Variants in SNX24 observed in about 807,000 individuals in gnomAD.
SNX24 encodes sorting nexin-24.
Under a neutral mutation model 28.7 loss-of-function variants are expected in SNX24, and 22 were observed. The ratio of observed to expected loss-of-function variants is 0.77; its 90% CI spans 0.55 to 1.10. SNX24 has a LOEUF of 1.10. Ranked by LOEUF, SNX24 falls within the 50% of genes least tolerant of loss-of-function variation. The probability of loss-of-function intolerance (pLI) is 0.00; values close to 1 mark genes in which losing one functional copy is unlikely to be tolerated. For synonymous variants in SNX24, 69 were observed against 71.5 expected, an observed-to-expected ratio of 0.96 and a Z score of 0.18; for missense variants, 221 against 201.1, an observed-to-expected ratio of 1.10 and a Z score of -0.60.
At chr5:122,998,486 G>A (rs1762128218) in intron 3 of SNX24, 2 of 152,166 alleles carry the variant, frequency 1.3e-5, no homozygotes, top group South Asian at 4.1e-4. Context: ...AGTGAATAAA[G>A]TATAACACCC....
At chr5:122,872,393 G>T (rs1287934091) in intron 1 of SNX24, among the ~76,000 whole-genome samples, 1 of 151,908 alleles carries the variant, frequency 6.6e-6, no homozygotes, top group East Asian at 1.9e-4. Flanking sequence ...GGAAAACCTT[G>T]TATTGTTTTC....
chr5:123,009,784 C>T (rs1762531617), downstream of SNX24, among the ~76,000 whole-genome samples: 1 of 152,216 alleles, frequency 6.6e-6, no homozygotes, highest in Non-Finnish European at 1.5e-5. Context: ...GAGGAGTGCA[C>T]TCCTGGTAGG....
intron 1 of SNX24, among the ~76,000 whole-genome samples, chr5:122,858,077 T>C (rs953636451): frequency 1.3e-5 from 2 of 152,178 alleles, no homozygotes; most frequent in Admixed American, 6.6e-5. Context: ...CTTTATTTAG[T>C]CTTCCTTTGA....
intron 5 of SNX24, among the ~76,000 whole-genome samples, chr5:123,020,135 G>A (rs144754877): frequency 1.4e-4 from 21 of 152,304 alleles, no homozygotes; most frequent in African/African-American, 5.1e-4. Context: ...GGGGAGAGTG[G>A]TGTCTATGTG....
chr5:123,002,871 A>C lies in SNX24; in HGVS notation c.442+867A>C, dbSNP rs375655943. Among the ~76,000 whole-genome samples the C allele has an allele frequency of 1.1e-4, 16 of 152,252 alleles. 2 individuals carry two copies. Among genetic ancestry groups the C allele is most frequent in the East Asian group, 3.9e-4 (2 of 5,180 alleles). ...CTCATTTGCATACATTATCTCATTT[A>C]ATTTCCTTAACAACCTTGTGAACTA... On this transcript the variant is annotated intron_variant, in intron 6 of 6. Transcript: ENST00000261369.
chr5:122,973,493 GA>G (rs1761040941), intron 3 of SNX24, among the ~76,000 whole-genome samples: 1 of 152,206 alleles, frequency 6.6e-6, no homozygotes, highest in Non-Finnish European at 1.5e-5. Flanking sequence ...TGATCATAGG[GA>G]ACTCCCTGTG....
At chr5:122,926,849 G>A (rs1265075284) in intron 1 of SNX24, among the ~76,000 whole-genome samples, 2 of 152,216 alleles carry the variant, frequency 1.3e-5, no homozygotes, top group Non-Finnish European at 1.5e-5. Context: ...CGGCAGAGGT[G>A]AGTGCAGCAG....
rs555729608 is a variant in SNX24, at chr5:122,902,756, T to C, written c.61-33978T>C. ...ATGCTTAAGTTATTGCTATCAGGTG[T>C]ATTTATCATGCATATGGTTAAAAAG... is the stretch of plus-strand genomic sequence containing the variant. On this transcript the variant is annotated intron_variant, in intron 1 of 6. Transcript: ENST00000261369. Among the ~76,000 whole-genome samples the C allele has an allele frequency of 1.1e-4, 16 of 152,272 alleles. No individual in the cohort carries two copies. In the South Asian group the frequency reaches 3.3e-3, roughly 32 times the overall value.
intron 1 of SNX24, among the ~76,000 whole-genome samples, chr5:122,923,791 T>C (rs1758552071): frequency 6.6e-6 from 1 of 152,190 alleles, no homozygotes; most frequent in Non-Finnish European, 1.5e-5. Context: ...GCCTGACTCA[T>C]TAGGAATGAA....
chr5:122,990,064 A>T (rs1283289195), intron 3 of SNX24, among the ~76,000 whole-genome samples: 1 of 152,106 alleles, frequency 6.6e-6, no homozygotes, highest in Non-Finnish European at 1.5e-5. Flanking sequence ...CCCTCCTCCT[A>T]ACTTTCTTTA....
At chr5:122,872,654 G>A (rs900846375) in intron 1 of SNX24, among the ~76,000 whole-genome samples, 1 of 152,130 alleles carries the variant, frequency 6.6e-6, no homozygotes, top group Non-Finnish European at 1.5e-5. Flanking sequence ...TAAATGCTAT[G>A]TAAAGGGTTG....
chr5:123,002,165 T>C (rs1166069315), intron 6 of SNX24, 161 bp downstream of exon 6: 4 of 637,442 alleles, frequency 6.3e-6, no homozygotes, highest in Non-Finnish European at 2.8e-6. Context: ...AGAATTTTAA[T>C]TGGGGCTGGC....
At chr5:123,026,082 G>A (rs1762848787) in intron 5 of SNX24, 1 of 877,160 alleles carries the variant, frequency 1.1e-6, no homozygotes, top group East Asian at 2.8e-5. Context: ...AGGTAGGGAT[G>A]GGGAAGACAT....
intron 2 of SNX24, among the ~76,000 whole-genome samples, chr5:122,944,589 A>T (rs1759599888): frequency 6.6e-6 from 1 of 152,190 alleles, no homozygotes. Flanking sequence ...CCCTCCCTTC[A>T]TAAAATGTCT....
chr5:122,938,309 G>A (rs1191758153), intron 2 of SNX24, among the ~76,000 whole-genome samples: 1 of 150,982 alleles, frequency 6.6e-6, no homozygotes, highest in Non-Finnish European at 1.5e-5. Context: ...GCTATTCATG[G>A]TCAAAAAAAA....
chr5:122,967,019 A>G (rs919388901), intron 3 of SNX24, among the ~76,000 whole-genome samples: 1 of 152,224 alleles, frequency 6.6e-6, no homozygotes, highest in Non-Finnish European at 1.5e-5. Flanking sequence ...TTCAGGAACC[A>G]TCTCACTGAC....
intron 1 of SNX24, among the ~76,000 whole-genome samples, chr5:122,872,323 A>G (rs954196046): frequency 1.5e-4 from 23 of 152,150 alleles, no homozygotes; most frequent in Admixed American, 1.2e-3. Flanking sequence ...ACAGCTATTT[A>G]TTGATCACAG....
intron 1 of SNX24, among the ~76,000 whole-genome samples, chr5:122,874,228 G>T (rs1294805929): frequency 6.6e-6 from 1 of 152,160 alleles, no homozygotes; most frequent in African/African-American, 2.4e-5. Flanking sequence ...CTTAAAAAAG[G>T]GTTACAATTA....
intron 3 of SNX24, among the ~76,000 whole-genome samples, chr5:122,947,329 G>A (rs1759729841): frequency 1.3e-5 from 2 of 152,062 alleles, no homozygotes; most frequent in African/African-American, 4.8e-5. Context: ...ATGAGAAGAT[G>A]AGGGGAGGCT....
Sources: allele counts gnomAD v4.1 joint callset (sites outside exome capture counted in the v4.1 genomes callset), GRCh38; gene constraint gnomAD v4.1.1; transcripts MANE v1.5; gene names NCBI Gene and HGNC (gene_info 2026-07-23, HGNC 2026-07-21).